BCL2L11: variants seen among roughly 807,000 people sequenced by gnomAD.
BCL2L11 encodes bcl-2-like protein 11.
BCL2L11 carries 15 observed loss-of-function variants against 20.6 expected under a neutral mutation model. The observed-to-expected ratio is 0.73, with a 90% CI of 0.49 to 1.12. BCL2L11 has a LOEUF of 1.12. Ranked by LOEUF, BCL2L11 falls within the 50% of genes most tolerant of loss-of-function variation. The pLI is 0.00. For missense variants in BCL2L11, 292 were observed against 260.9 expected (o/e 1.12, Z -0.82); for synonymous variants, 108 against 92.8 (o/e 1.16, Z -0.94).
At chr2:111,152,019 C>G (rs2077315883) in intron 3 of BCL2L11, 3 of 797,632 alleles carry the variant, frequency 3.8e-6, no homozygotes, top group Non-Finnish European at 6.0e-6. Flanking sequence ...AAGTGGCTGT[C>G]TCTATTGACT....
chr2:111,142,450 C>A, intron 2 of BCL2L11: 1 of 1,330,978 alleles, frequency 7.5e-7, no homozygotes, highest in Non-Finnish European at 1.1e-6. Context: ...CCTTTTGTGA[C>A]TTTTAAGTGA....
At chr2:111,158,580 T>TA (rs910388877) in intron 3 of BCL2L11, among the ~76,000 whole-genome samples, 4 of 151,410 alleles carry the variant, frequency 2.6e-5, no homozygotes, top group Non-Finnish European at 5.9e-5. Context: ...TAAATATATA[T>TA]AAAAAATAAG....
intron 3 of BCL2L11, chr2:111,161,291 G>T: frequency 8.5e-7 from 1 of 1,176,822 alleles, no homozygotes; most frequent in Non-Finnish European, 1.2e-6. Flanking sequence ...AGGGAGTGGA[G>T]CATCTTCCCT....
chr2:111,147,346 T>A (rs6720193), intron 2 of BCL2L11, among the ~76,000 whole-genome samples: 179 of 137,408 alleles, frequency 1.3e-3, no homozygotes, highest in Middle Eastern at 3.7e-3. Context: ...TCTCTCTCTC[T>A]CACACACACA....
rs186261747 is a variant in BCL2L11, at chr2:111,136,059, C to T, written c.394+11920C>T. ...AGATCAACTCCCCACTCTGGCCACG[C>T]GGTGCTGTGGGGCTGCTGCCAGGGG... On this transcript the variant is annotated intron_variant, in intron 2 of 3. Coordinates refer to ENST00000393256, the MANE Select transcript of BCL2L11 (RefSeq NM_138621.5). Among the ~76,000 whole-genome samples, 8 of 152,238 alleles carry T rather than the reference C, an allele frequency of 5.3e-5. No individual in the cohort carries two copies. The East Asian group carries it at 7.8e-4, about 15-fold the overall frequency.
chr2:111,139,736 C>T (rs866405393), intron 2 of BCL2L11, among the ~76,000 whole-genome samples: 4 of 152,144 alleles, frequency 2.6e-5, no homozygotes, highest in Non-Finnish European at 2.9e-5. Context: ...GAGGCCAGGC[C>T]TTCGTGGTTT....
At chr2:111,125,588 T>C (rs776784622) in intron 2 of BCL2L11, among the ~76,000 whole-genome samples, 22 of 152,238 alleles carry the variant, frequency 1.4e-4, no homozygotes, top group Non-Finnish European at 2.9e-4. Context: ...CATCCAGCTC[T>C]GTCTTCATAG....
intron 2 of BCL2L11, among the ~76,000 whole-genome samples, chr2:111,126,657 A>C (rs747607866): frequency 6.6e-6 from 1 of 152,304 alleles, no homozygotes; most frequent in African/African-American, 2.4e-5. Flanking sequence ...CCTGAAGACC[A>C]CTGAAATAAT....
chr2:111,122,683 C>A, intron 1 of BCL2L11: 1 of 982,622 alleles, frequency 1.0e-6, no homozygotes, highest in African/African-American at 1.8e-5. Flanking sequence ...GCCGGGGCAG[C>A]GCGGGCCAGA....
chr2:111,150,523 AAAC>A (rs144116367), intron 3 of BCL2L11, among the ~76,000 whole-genome samples: 6,151 of 152,338 alleles, frequency 0.04, 184 homozygotes, highest in Non-Finnish European at 0.059. Flanking sequence ...GGTAATTTTT[AAAC>A]AACATCTTTT....
chr2:111,146,474 CGT>C (rs2076526101), intron 2 of BCL2L11, among the ~76,000 whole-genome samples: 3 of 152,234 alleles, frequency 2.0e-5, no homozygotes, highest in Admixed American at 2.0e-4. Context: ...GGTGGAGCAG[CGT>C]GTGTTTGGAG....
chr2:111,154,576 G>A (rs1216385841), intron 3 of BCL2L11, among the ~76,000 whole-genome samples: 1 of 152,174 alleles, frequency 6.6e-6, no homozygotes, highest in Non-Finnish European at 1.5e-5. Flanking sequence ...CTCAGGTTTT[G>A]CATTTCTGAT....
intron 3 of BCL2L11, 48 bp from the exon 4 acceptor site, chr2:111,164,077 CCCTCCCCA>C: frequency 1.4e-6 from 1 of 722,594 alleles, no homozygotes. Context: ...GGGCTCCCAC[CCCTCCCCA>C]CCCCCAAATT....
chr2:111,132,805 C>T (rs1011370815), intron 2 of BCL2L11, among the ~76,000 whole-genome samples: 2 of 152,142 alleles, frequency 1.3e-5, no homozygotes, highest in African/African-American at 4.8e-5. Context: ...CTTTGCTTAT[C>T]GAAGATCAGG....
intron 2 of BCL2L11, among the ~76,000 whole-genome samples, chr2:111,129,401 A>G (rs1269433365): frequency 6.6e-6 from 1 of 152,248 alleles, no homozygotes; most frequent in Admixed American, 6.5e-5. Flanking sequence ...AAACACATTT[A>G]TTAATTGTTA....
chr2:111,164,564 T>C lies in BCL2L11; in HGVS notation c.*333T>C, dbSNP rs2078933951. 2 of 188,624 alleles carry C rather than the reference T, an allele frequency of 1.1e-5. No individual in the cohort carries two copies. The highest frequency in any genetic ancestry group is 2.6e-4 in the East Asian group (2 of 7,782). The allele number at this position is 188,624 out of a possible 1,614,324, so 11.7% of individuals were successfully genotyped here. On this transcript the variant is annotated 3_prime_UTR_variant, in exon 4 of 4. Coordinates refer to ENST00000393256, the MANE Select transcript of BCL2L11 (RefSeq NM_138621.5). ...TCCCCCTCACCTTCAATAAGGTTTT[T>C]CAAAAAGGAAATGGAAACTTTTTAA...
At chr2:111,128,706 C>G in intron 2 of BCL2L11, 2 of 1,550,412 alleles carry the variant, frequency 1.3e-6, no homozygotes, top group African/African-American at 1.4e-5. Flanking sequence ...ATGGCCACCA[C>G]CATAGTCAAG....
chr2:111,130,544 T>C (rs765377286), intron 2 of BCL2L11, among the ~76,000 whole-genome samples: 5 of 152,280 alleles, frequency 3.3e-5, no homozygotes, highest in Non-Finnish European at 7.3e-5. Flanking sequence ...TATATAGTTA[T>C]GTGATCTGCA....
chr2:111,155,690 G>A (rs2077747778), intron 3 of BCL2L11, among the ~76,000 whole-genome samples: 1 of 152,144 alleles, frequency 6.6e-6, no homozygotes, highest in Admixed American at 6.5e-5. Flanking sequence ...TTGGCTAACT[G>A]TGACCTGGGC....
Sources: allele counts gnomAD v4.1 joint callset (sites outside exome capture counted in the v4.1 genomes callset), GRCh38; gene constraint gnomAD v4.1.1; transcripts MANE v1.5; gene names NCBI Gene and HGNC (gene_info 2026-07-23, HGNC 2026-07-21).